GMPS: variants seen among roughly 807,000 people sequenced by gnomAD.
GMPS encodes the protein GMP synthase [glutamine-hydrolyzing].
In GMPS, 15 loss-of-function variants were observed where a neutral mutation model predicts 77.9. That is an observed-to-expected ratio of 0.19 (90% CI 0.13 to 0.30). GMPS has a LOEUF of 0.30. Ranked by LOEUF, GMPS falls within the 10% of genes least tolerant of loss-of-function variation. GMPS has a pLI of 1.00. For missense variants in GMPS, 590 were observed against 838.8 expected (o/e 0.70, Z 3.66); for synonymous variants, 224 against 275.9 (o/e 0.81, Z 1.86).
At chr3:155,870,564 G>A (rs1753876044), upstream of GMPS, 1 of 322,592 alleles carries the variant, frequency 3.1e-6, no homozygotes, top group African/African-American at 2.1e-5. Flanking sequence ...CGGCGGCTGC[G>A]GAGGGTATCT....
At chr3:155,936,631 G>T in intron 15 of GMPS, 121 bp downstream of exon 15, 2 of 608,180 alleles carry the variant, frequency 3.3e-6, no homozygotes, top group Non-Finnish European at 5.7e-6. Flanking sequence ...TCATAAGATA[G>T]GCTTTTTTTT....
intron 13 of GMPS, among the ~76,000 whole-genome samples, chr3:155,932,277 AACACACACACAC>A (rs10548751): frequency 2.1e-5 from 3 of 141,150 alleles, no homozygotes; most frequent in Non-Finnish European, 3.1e-5. Flanking sequence ...CAAATAAAGT[AACACACACACAC>A]ACACACACAC....
intron 4 of GMPS, among the ~76,000 whole-genome samples, chr3:155,905,252 C>T (rs948332478): frequency 1.3e-5 from 2 of 152,040 alleles, no homozygotes; most frequent in South Asian, 2.1e-4. Context: ...TGATCTGCCT[C>T]GGCCTCCGAA....
At chr3:155,932,027 A>C (rs578260972) in intron 13 of GMPS, 147 bp downstream of exon 13, 4 of 446,804 alleles carry the variant, frequency 9.0e-6, no homozygotes, top group Non-Finnish European at 1.6e-5. Context: ...TTGTAATTCA[A>C]ATATGCACAT....
intron 7 of GMPS, among the ~76,000 whole-genome samples, chr3:155,912,003 C>T (rs1350678885): frequency 6.6e-6 from 1 of 151,940 alleles, no homozygotes; most frequent in African/African-American, 2.4e-5. Flanking sequence ...TAAAGGGCCA[C>T]TAGTAAACTT....
Position 155,938,051 on chromosome 3 carries a change from G to T in GMPS, c.*359G>T, listed in dbSNP as rs936259725. The stretch of plus-strand genomic sequence containing the variant: ...CTTCTGTCTCCTTACCAGTTTCTAA[G>T]AACTGTTAGAAACGCCCATTATTTA... On this transcript the variant is annotated 3_prime_UTR_variant, in exon 16 of 16. Transcript: ENST00000496455. 9 of 247,088 alleles carry T rather than the reference G, an allele frequency of 3.6e-5. No individual in the cohort carries two copies. The highest frequency in any genetic ancestry group is 2.0e-4 in the African/African-American group (9 of 45,630). 15.3% of individuals were successfully genotyped at this position (247,088 alleles called of 1,614,324 possible). A position where few individuals can be genotyped will look rare whatever the true frequency, so the allele number is the denominator to read the frequency against.
intron 3 of GMPS, among the ~76,000 whole-genome samples, chr3:155,902,561 G>T (rs1217757815): frequency 6.6e-6 from 1 of 152,196 alleles, no homozygotes; most frequent in Non-Finnish European, 1.5e-5. Context: ...GGATGCTTTT[G>T]AGCTGCAGTG....
chr3:155,900,741 G>A (rs1754715533), intron 3 of GMPS, among the ~76,000 whole-genome samples: 1 of 152,064 alleles, frequency 6.6e-6, no homozygotes, highest in South Asian at 2.1e-4. Context: ...ATTATCAGCT[G>A]AACTTTTGTA....
chr3:155,876,503 T>C (rs1754052577), intron 1 of GMPS, among the ~76,000 whole-genome samples: 2 of 152,198 alleles, frequency 1.3e-5, no homozygotes, highest in Non-Finnish European at 2.9e-5. Context: ...GTATTAGATA[T>C]AAGGTGAAAG....
intron 1 of GMPS, among the ~76,000 whole-genome samples, chr3:155,871,567 G>C (rs2108038877): frequency 6.6e-6 from 1 of 152,334 alleles, no homozygotes. Context: ...CCCCAGGGTC[G>C]CGCACTCCGT....
intron 1 of GMPS, among the ~76,000 whole-genome samples, chr3:155,891,269 C>T (rs866907244): frequency 5.3e-5 from 8 of 152,242 alleles, no homozygotes; most frequent in Middle Eastern, 3.4e-3. Context: ...TGTAAAAAAG[C>T]ATACTTAGAT....
intron 3 of GMPS, among the ~76,000 whole-genome samples, chr3:155,903,230 C>T (rs1283420171): frequency 1.3e-5 from 2 of 152,028 alleles, no homozygotes; most frequent in Non-Finnish European, 2.9e-5. Flanking sequence ...AAGTTTGGAG[C>T]ATGTAAATGA....
chr3:155,943,693 T>C lies in GMPS; in HGVS notation c.*6001T>C. 5.8e-6 allele frequency: 1 copy of C among 171,862 alleles called. No homozygotes were observed. The highest frequency in any genetic ancestry group is 1.0e-4 in the East Asian group (1 of 9,542). 10.6% of individuals were successfully genotyped at this position (171,862 alleles called of 1,614,324 possible). Reference sequence around the variant, plus strand: ...CTAAATGTGAAATGACTTTAATCCCTTTTGTCTTCAATATACTTCATAAAG... The same window carrying C: ...CTAAATGTGAAATGACTTTAATCCCCTTTGTCTTCAATATACTTCATAAAG... On this transcript the variant is annotated 3_prime_UTR_variant, in exon 16 of 16. Coordinates refer to ENST00000496455, the MANE Select transcript of GMPS (RefSeq NM_003875.3).
chr3:155,903,807 CAA>C, intron 3 of GMPS, 54 bp from the exon 4 acceptor site: 1 of 691,484 alleles, frequency 1.4e-6, no homozygotes, highest in Non-Finnish European at 2.5e-6. Context: ...ATCAGTATAA[CAA>C]AATGGGTATT....
intron 9 of GMPS, among the ~76,000 whole-genome samples, chr3:155,918,861 G>T (rs1277695855): frequency 6.6e-6 from 1 of 152,042 alleles, no homozygotes; most frequent in Admixed American, 6.6e-5. Context: ...GTCTTCTCTA[G>T]TTCTGTGAGT....
intron 2 of GMPS, chr3:155,895,296 A>G (rs1016893951): frequency 3.3e-5 from 5 of 150,642 alleles, no homozygotes; most frequent in African/African-American, 1.2e-4. Flanking sequence ...TAACCTACCT[A>G]TTTTTATTTT....
rs201259719 is a variant in GMPS, at chr3:155,930,174, G to T, written c.1561-1591G>T. 1.2e-3 allele frequency among the ~76,000 whole-genome samples: 171 copies of T among 145,612 alleles called. 5 individuals carry two copies. In the East Asian group the frequency reaches 0.033, roughly 28 times the overall value. On this transcript the variant is annotated intron_variant, in intron 12 of 15. Transcript: ENST00000496455. ...TACCAAAACAGAGATATAGATCAAT[G>T]GAACAGAACAGAGCCCTCAGAAATA...
rs1167302730 is a variant in GMPS, at chr3:155,938,857, A to C, written c.*1165A>C. The C allele has an allele frequency of 4.7e-6, 1 of 213,512 alleles. No homozygotes were observed. Among genetic ancestry groups the C allele is most frequent in the East Asian group, 7.0e-5 (1 of 14,244 alleles). The allele number at this position is 213,512 out of a possible 1,614,324, so 13.2% of individuals were successfully genotyped here. A position where few individuals can be genotyped will look rare whatever the true frequency, so the allele number is the denominator to read the frequency against. ...ACAGATCTTTTATAACATTCACATA[A>C]GTACTGTAGACAGTAGTAGACTTAA... On this transcript the variant is annotated 3_prime_UTR_variant, in exon 16 of 16. Transcript: ENST00000496455.
Position 155,938,475 on chromosome 3 carries a change from G to A in GMPS, c.*783G>A. 1 of 211,314 alleles carries A rather than the reference G, an allele frequency of 4.7e-6. No individual in the cohort carries two copies. Among genetic ancestry groups the A allele is most frequent in the Non-Finnish European group, 9.6e-6 (1 of 103,976 alleles). The allele number at this position is 211,314 out of a possible 1,614,324, so 13.1% of individuals were successfully genotyped here. On this transcript the variant is annotated 3_prime_UTR_variant, in exon 16 of 16. Coordinates refer to ENST00000496455, the MANE Select transcript of GMPS (RefSeq NM_003875.3). ...CCACAGCCTTGCATAGAAAGTTTCT[G>A]TTATCTCCTTAGAAGAAACTGGCTC...
Sources: allele counts gnomAD v4.1 joint callset (sites outside exome capture counted in the v4.1 genomes callset), GRCh38; gene constraint gnomAD v4.1.1; transcripts MANE v1.5; gene names NCBI Gene and HGNC (gene_info 2026-07-23, HGNC 2026-07-21).